Variants in COL9A1 observed in about 807,000 individuals in gnomAD.
The protein encoded by COL9A1 is collagen alpha-1(IX) chain.
COL9A1 carries 104 observed loss-of-function variants against 142.6 expected under a neutral mutation model. The ratio of observed to expected loss-of-function variants is 0.73; its 90% CI spans 0.62 to 0.86. The LOEUF is 0.86. Among genes scored for constraint, COL9A1 ranks in the 40% least tolerant of loss-of-function variants. The pLI is 0.00. For synonymous variants in COL9A1, 466 were observed against 396.0 expected, an observed-to-expected ratio of 1.18 and a Z score of -2.10; for missense variants, 1,210 against 1,176.6, an observed-to-expected ratio of 1.03 and a Z score of -0.42.
At chr6:70,234,497 G>T (rs745626018) in intron 35 of COL9A1, 42 bp downstream of exon 35, 11 of 1,595,806 alleles carry the variant, frequency 6.9e-6, no homozygotes, top group Admixed American at 6.7e-5. Flanking sequence ...TAAGAAACAA[G>T]AGTTGATGGT....
intron 6 of COL9A1, chr6:70,283,233 C>G (rs997005933): frequency 1.8e-5 from 26 of 1,452,300 alleles, no homozygotes; most frequent in Non-Finnish European, 2.1e-5. Context: ...TGAATGGCCC[C>G]GGAGAGGGTC....
At chr6:70,290,051 G>T in intron 5 of COL9A1, among the ~76,000 whole-genome samples, 1 of 152,060 alleles carries the variant, frequency 6.6e-6, no homozygotes, top group East Asian at 1.9e-4. Flanking sequence ...AAGTCTGTCC[G>T]ATTAATCACG....
intron 19 of COL9A1, 157 bp from the exon 20 acceptor site, chr6:70,260,867 A>T: frequency 3.1e-6 from 2 of 646,352 alleles, no homozygotes; most frequent in African/African-American, 1.8e-5. Flanking sequence ...TTTCTAGTTT[A>T]GAAAGTCCAA....
chr6:70,235,973 C>T (rs150004948), intron 33 of COL9A1, among the ~76,000 whole-genome samples: 8 of 151,596 alleles, frequency 5.3e-5, no homozygotes, highest in East Asian at 1.9e-4. Context: ...AATTAGCCGG[C>T]GTAGTGGTGG....
intron 10 of COL9A1, among the ~76,000 whole-genome samples, chr6:70,276,634 A>G (rs1210361326): frequency 2.6e-5 from 4 of 152,204 alleles, no homozygotes; most frequent in Non-Finnish European, 5.9e-5. Context: ...TGAAATAACT[A>G]TGCAGAAAAC....
chr6:70,253,252 A>G lies in COL9A1; in HGVS notation c.1764+133T>C, dbSNP rs1363917804. 5 of 644,042 alleles carry G rather than the reference A, an allele frequency of 7.8e-6. 1 individual carries two copies. Among genetic ancestry groups the G allele is most frequent in the Non-Finnish European group, 1.4e-5 (5 of 366,930 alleles). 39.9% of individuals were successfully genotyped at this position (644,042 alleles called of 1,614,324 possible). On this transcript the variant is annotated intron_variant, in intron 26 of 37. Coordinates refer to ENST00000357250, the MANE Select transcript of COL9A1 (RefSeq NM_001851.6). ...AGATTAGTATTTGAAGCCTTAACAC[A>G]TTTACCTTTTTATTTCTCCCTAGGG...
At position 70,232,649 on chromosome 6, in the gene COL9A1, T is replaced by C; in HGVS notation, c.2437A>G (p.Met813Val). 1 of 1,614,098 alleles carries C rather than the reference T, an allele frequency of 6.2e-7. No individual in the cohort carries two copies. Among genetic ancestry groups the C allele is most frequent in the Non-Finnish European group, 8.5e-7 (1 of 1,180,032 alleles). ...ATGCCCGGAAGGCCACGAATTCCCA[T>C]CTGGCCTGGGAAACCATTCTCTCCA... Reference protein sequence around the residue: ...PPGENGFPGQMGIRGLPGIKG... With the variant: ...PPGENGFPGQVGIRGLPGIKG... The change falls in exon 36 of 38, where the codon ATG becomes GTG. Residue 813 changes from methionine (M) to valine (V), a missense_variant. Coordinates refer to ENST00000357250, the MANE Select transcript of COL9A1 (RefSeq NM_001851.6).
chr6:70,242,645 G>A lies in COL9A1; in HGVS notation c.1926+17C>T, dbSNP rs1484651990. 6 of 1,612,262 alleles carry A rather than the reference G, an allele frequency of 3.7e-6. No individual in the cohort carries two copies. The highest frequency in any genetic ancestry group is 1.7e-5 in the Admixed American group (1 of 59,980). On this transcript the variant is annotated intron_variant, in intron 29 of 37. Coordinates refer to ENST00000357250, the MANE Select transcript of COL9A1 (RefSeq NM_001851.6). ...TGTGTTTCGTAGAAGGCAAATAAACGAAACTTTTCTACTTACCAGTTTACC... is the reference window on the plus strand; with the variant it reads ...TGTGTTTCGTAGAAGGCAAATAAACAAAACTTTTCTACTTACCAGTTTACC...
chr6:70,301,030 T>G (rs1161042854), intron 2 of COL9A1, among the ~76,000 whole-genome samples: 1 of 152,192 alleles, frequency 6.6e-6, no homozygotes, highest in African/African-American at 2.4e-5. Flanking sequence ...AAGTCCCGAC[T>G]AGATTAATCC....
intron 36 of COL9A1, among the ~76,000 whole-genome samples, chr6:70,228,863 G>C (rs183040384): frequency 6.6e-6 from 1 of 151,982 alleles, no homozygotes; most frequent in Non-Finnish European, 1.5e-5. Flanking sequence ...AGGAAGATAC[G>C]ACAATTAACA....
At chr6:70,241,090 A>T (rs1380398166) in intron 31 of COL9A1, among the ~76,000 whole-genome samples, 1 of 152,234 alleles carries the variant, frequency 6.6e-6, no homozygotes, top group Non-Finnish European at 1.5e-5. Flanking sequence ...GTCTTGATCA[A>T]GAAAAACCTA....
At chr6:70,301,305 G>A (rs1164557323) in intron 2 of COL9A1, among the ~76,000 whole-genome samples, 1 of 152,220 alleles carries the variant, frequency 6.6e-6, no homozygotes, top group African/African-American at 2.4e-5. Context: ...GCCCGGCGCT[G>A]TGGCTCACGC....
rs1768517676 is a variant in COL9A1, at chr6:70,216,593, A to G, written c.*304T>C. The G allele has an allele frequency of 2.3e-6, 1 of 431,928 alleles. No individual in the cohort carries two copies. The highest frequency in any genetic ancestry group is 2.0e-5 in the African/African-American group (1 of 50,050). 26.8% of individuals were successfully genotyped at this position (431,928 alleles called of 1,614,324 possible). ...ACGATAAGACACATAGGTATAGCAC[A>G]CTAAAGCTCAAGATCCTGGGAACAG... On this transcript the variant is annotated 3_prime_UTR_variant, in exon 38 of 38. Coordinates refer to ENST00000357250, the MANE Select transcript of COL9A1 (RefSeq NM_001851.6).
At chr6:70,232,292 A>G (rs1177864503) in intron 36 of COL9A1, among the ~76,000 whole-genome samples, 1 of 152,224 alleles carries the variant, frequency 6.6e-6, no homozygotes, top group Non-Finnish European at 1.5e-5. Flanking sequence ...ACCAGATCCC[A>G]TTATCTTTGT....
rs188142956 is a variant in COL9A1 at position 70,274,917 on chromosome 6, T to C, written c.976-145A>G. Reference sequence around the variant, plus strand: ...ATATTTATAAAGAAATACCTTACTATAGTCTTACTCAAAAGTAAAGATTAA... The same window carrying C: ...ATATTTATAAAGAAATACCTTACTACAGTCTTACTCAAAAGTAAAGATTAA... On this transcript the variant is annotated intron_variant, in intron 10 of 37. Transcript: ENST00000357250. 162 of 661,642 alleles carry C rather than the reference T, an allele frequency of 2.4e-4. No homozygotes were observed. The African/African-American group carries it at 2.6e-3, about 11-fold the overall frequency. 41.0% of individuals were successfully genotyped at this position (661,642 alleles called of 1,614,324 possible).
At chr6:70,249,760 C>T (rs1211700024) in intron 28 of COL9A1, among the ~76,000 whole-genome samples, 2 of 151,642 alleles carry the variant, frequency 1.3e-5, no homozygotes, top group Non-Finnish European at 2.9e-5. Context: ...CCTCTCCTCA[C>T]ATAAGAGAAT....
intron 6 of COL9A1, 55 bp downstream of exon 6, chr6:70,283,682 G>A: frequency 2.3e-6 from 3 of 1,329,794 alleles, no homozygotes; most frequent in Non-Finnish European, 3.2e-6. Context: ...AAGTGGTGAG[G>A]TGGAGAGGGT....
chr6:70,246,969 A>G (rs1336567603), intron 28 of COL9A1, among the ~76,000 whole-genome samples: 1 of 152,244 alleles, frequency 6.6e-6, no homozygotes, highest in African/African-American at 2.4e-5. Context: ...GGATTGAATA[A>G]GTTAAAAGAC....
chr6:70,241,371 G>A (rs1430362897), intron 31 of COL9A1, 48 bp downstream of exon 31: 2 of 1,463,990 alleles, frequency 1.4e-6, no homozygotes, highest in East Asian at 4.5e-5. Context: ...TTGTGAAATG[G>A]TGCATATCAA....
Sources: allele counts gnomAD v4.1 joint callset (sites outside exome capture counted in the v4.1 genomes callset), GRCh38; gene constraint gnomAD v4.1.1; transcripts MANE v1.5; gene names NCBI Gene and HGNC (gene_info 2026-07-23, HGNC 2026-07-21).